COL21A1: variants seen among roughly 807,000 people sequenced by gnomAD.
COL21A1 encodes the protein collagen alpha-1(XXI) chain.
In COL21A1, 149 loss-of-function variants were observed where a neutral mutation model predicts 137.9. The observed-to-expected ratio is 1.08, with a 90% confidence interval of 0.95 to 1.24. COL21A1 has a LOEUF of 1.24. Ranked by LOEUF, COL21A1 falls within the 50% of genes most tolerant of loss-of-function variation. The pLI, the probability that COL21A1 is intolerant of heterozygous loss-of-function variation, is 0.00. For missense variants in COL21A1, 1,167 were observed against 1,158.4 expected, an observed-to-expected ratio of 1.01 and a Z score of -0.11; for synonymous variants, 456 against 391.5, an observed-to-expected ratio of 1.16 and a Z score of -1.95.
chr6:56,157,244 G>C (rs1046794730), intron 9 of COL21A1, among the ~76,000 whole-genome samples: 6 of 150,758 alleles, frequency 4.0e-5, no homozygotes, highest in Non-Finnish European at 5.9e-5. Flanking sequence ...TTAGAATTCT[G>C]AACGAACTGT....
chr6:56,207,239 A>G (rs9475627), intron 1 of COL21A1, among the ~76,000 whole-genome samples: 3,320 of 152,274 alleles, frequency 0.022, 122 homozygotes, highest in African/African-American at 0.076. Flanking sequence ...CAAAAAATCC[A>G]TGAATCCGGG....
At chr6:56,169,923 A>T (rs1433284807) in intron 5 of COL21A1, among the ~76,000 whole-genome samples, 1 of 151,928 alleles carries the variant, frequency 6.6e-6, no homozygotes, top group Non-Finnish European at 1.5e-5. Flanking sequence ...TTTTAAATGT[A>T]ATATAATTAC....
chr6:56,235,731 T>C (rs1781858789), intron 1 of COL21A1, among the ~76,000 whole-genome samples: 1 of 151,950 alleles, frequency 6.6e-6, no homozygotes, highest in Non-Finnish European at 1.5e-5. Context: ...TGGTTATTCA[T>C]AATTTGAATG....
intron 17 of COL21A1, among the ~76,000 whole-genome samples, chr6:56,098,392 AATAT>A (rs1275474740): frequency 3.4e-4 from 3 of 8,792 alleles, no homozygotes; most frequent in Non-Finnish European, 5.2e-4. Flanking sequence ...TAAATATATA[AATAT>A]ATATATAAAT....
intron 18 of COL21A1, among the ~76,000 whole-genome samples, chr6:56,076,909 T>C (rs1484504301): frequency 6.6e-6 from 1 of 151,282 alleles, no homozygotes; most frequent in African/African-American, 2.4e-5. Flanking sequence ...TAAAGAGATA[T>C]CCATATCTAG....
At chr6:56,323,665 G>T (rs1486485105) in intron 1 of COL21A1, among the ~76,000 whole-genome samples, 2 of 152,128 alleles carry the variant, frequency 1.3e-5, no homozygotes, top group African/African-American at 4.8e-5. Flanking sequence ...TGGGATTACA[G>T]TGATGTCATA....
intron 1 of COL21A1, among the ~76,000 whole-genome samples, chr6:56,277,008 G>A (rs1763680098): frequency 7.4e-6 from 1 of 134,516 alleles, no homozygotes; most frequent in African/African-American, 3.0e-5. Flanking sequence ...TTTTAGTAGA[G>A]ATGGGTTTTC....
rs1188958182 is a variant in COL21A1 at position 56,367,231 on chromosome 6, C to T, written c.-39+26740G>A. Among the ~76,000 whole-genome samples the T allele has an allele frequency of 4.6e-5, 7 of 152,176 alleles. No individual in the cohort carries two copies. The East Asian group carries it at 1.3e-3, about 29-fold the overall frequency. On this transcript the variant is annotated intron_variant, in intron 1 of 28. Coordinates refer to the COL21A1 transcript ENST00000370819. ...ACTTTCAAATGCTGATTGTTGTTTACACAATAGCCTCTCCCTTCCTCCTGG... is the reference window on the plus strand; with the variant it reads ...ACTTTCAAATGCTGATTGTTGTTTATACAATAGCCTCTCCCTTCCTCCTGG...
chr6:56,106,065 C>G (rs1373539100), intron 16 of COL21A1, among the ~76,000 whole-genome samples: 2 of 152,212 alleles, frequency 1.3e-5, no homozygotes, highest in East Asian at 1.9e-4. Flanking sequence ...ATTATAACTT[C>G]CAGCTTCAAC....
chr6:56,297,262 T>A (rs1314452326), intron 1 of COL21A1, among the ~76,000 whole-genome samples: 1 of 152,128 alleles, frequency 6.6e-6, no homozygotes, highest in Non-Finnish European at 1.5e-5. Flanking sequence ...AACTGGTTTC[T>A]ATATTCCCTG....
chr6:56,138,340 T>C (rs1465473580), intron 12 of COL21A1, among the ~76,000 whole-genome samples: 1 of 149,958 alleles, frequency 6.7e-6, no homozygotes, highest in African/African-American at 2.4e-5. Context: ...TATATATACA[T>C]TTATATCCAT....
At chr6:56,361,301 C>T (rs1452449407) in intron 1 of COL21A1, among the ~76,000 whole-genome samples, 1 of 152,144 alleles carries the variant, frequency 6.6e-6, no homozygotes, top group East Asian at 1.9e-4. Context: ...GAGTTTCTTC[C>T]ATGTCATGCT....
At chr6:56,305,613 G>C (rs1318053990) in intron 1 of COL21A1, among the ~76,000 whole-genome samples, 1 of 151,638 alleles carries the variant, frequency 6.6e-6, no homozygotes, top group Non-Finnish European at 1.5e-5. Context: ...CCTTTATTTT[G>C]AGCCTATCTG....
At chr6:56,107,224 A>C (rs1771020255) in intron 16 of COL21A1, among the ~76,000 whole-genome samples, 1 of 152,224 alleles carries the variant, frequency 6.6e-6, no homozygotes, top group African/African-American at 2.4e-5. Context: ...CCAAGGGAGA[A>C]TAGATTTCAC....
intron 16 of COL21A1, among the ~76,000 whole-genome samples, chr6:56,123,675 C>T (rs774020282): frequency 1.3e-5 from 2 of 152,170 alleles, no homozygotes; most frequent in Non-Finnish European, 2.9e-5. Context: ...TCCCCACTTA[C>T]TCTAATGCTC....
At chr6:56,349,636 C>T (rs1765668845) in intron 1 of COL21A1, among the ~76,000 whole-genome samples, 1 of 152,146 alleles carries the variant, frequency 6.6e-6, no homozygotes, top group African/African-American at 2.4e-5. Context: ...TAAGAAGAGG[C>T]ACAGCAATGA....
rs184103519 is a variant in COL21A1, at chr6:56,145,887, C to T, written c.1435-3904G>A. On this transcript the variant is annotated intron_variant, in intron 10 of 29. Coordinates refer to ENST00000244728, the MANE Select transcript of COL21A1 (RefSeq NM_030820.4). ...TTTTTTTTAGGGAAAAAAATATTCTCACTGCCAAATTGTAGGGTTGAAGAA... is the reference window on the plus strand; with the variant it reads ...TTTTTTTTAGGGAAAAAAATATTCTTACTGCCAAATTGTAGGGTTGAAGAA... 3.3e-3 allele frequency among the ~76,000 whole-genome samples: 504 copies of T among 151,514 alleles called. 5 individuals are homozygous for T. The highest frequency in any genetic ancestry group is 0.029 in the Admixed American group (447 of 15,220).
chr6:56,267,749 T>A, intron 1 of COL21A1, among the ~76,000 whole-genome samples: 2 of 39,488 alleles, frequency 5.1e-5, no homozygotes, highest in Non-Finnish European at 8.9e-5. Context: ...AGAGCAAGAC[T>A]CTGTTAAAAA....
At chr6:56,290,662 G>A (rs1764019534) in intron 1 of COL21A1, among the ~76,000 whole-genome samples, 1 of 152,002 alleles carries the variant, frequency 6.6e-6, no homozygotes, top group Non-Finnish European at 1.5e-5. Flanking sequence ...ACCATGCCCA[G>A]TTAATTTTTT....
Sources: allele counts gnomAD v4.1 joint callset (sites outside exome capture counted in the v4.1 genomes callset), GRCh38; gene constraint gnomAD v4.1.1; transcripts MANE v1.5; gene names NCBI Gene and HGNC (gene_info 2026-07-23, HGNC 2026-07-21).